The following FRAS1 variants were observed in gnomAD, a reference collection of about 807,000 sequenced individuals.
FRAS1 encodes Fraser extracellular matrix complex subunit 1.
Under a neutral mutation model 435.2 loss-of-function variants are expected in FRAS1, and 290 were observed. The observed-to-expected ratio is 0.67, with a 90% CI of 0.61 to 0.73. The LOEUF (loss-of-function observed/expected upper bound fraction) is 0.73, where lower values mean the gene tolerates loss of function less well. Ranked by LOEUF, FRAS1 falls within the 30% of genes least tolerant of loss-of-function variation. The pLI is 0.00. For synonymous variants in FRAS1, 1,800 were observed against 1,851.0 expected (o/e 0.97, Z 0.71); for missense variants, 4,860 against 5,001.5 (o/e 0.97, Z 0.85).
chr4:78,220,196 G>C (rs979459500), intron 2 of FRAS1, among the ~76,000 whole-genome samples: 5 of 152,098 alleles, frequency 3.3e-5, no homozygotes, highest in Non-Finnish European at 2.9e-5. Context: ...ATTTTCTTCT[G>C]CTTTTTCTGA....
At chr4:78,473,620 C>T in intron 53 of FRAS1, 23 bp downstream of exon 53, 2 of 1,540,256 alleles carry the variant, frequency 1.3e-6, no homozygotes, top group Non-Finnish European at 1.8e-6. Flanking sequence ...CTGTGCTTTC[C>T]TTCTTGAGAA....
intron 34 of FRAS1, among the ~76,000 whole-genome samples, chr4:78,423,887 C>G (rs1269476790): frequency 1.3e-5 from 2 of 152,314 alleles, no homozygotes; most frequent in East Asian, 1.9e-4. Flanking sequence ...AAGTCATCCA[C>G]TAAACTCGCC....
chr4:78,432,471 C>G lies in FRAS1; in HGVS notation c.5084C>G (p.Thr1695Arg). Residue 1695 changes from threonine to arginine, a missense_variant, in exon 38 of 74, where the codon ACA (threonine) becomes AGA (arginine). Transcript: ENST00000512123. ...TCAGTCACAGATGGCCTCACAGTGA[C>G]AATGCTGGAGGTGAGAGTAGAGGTG... ...EISVTDGLTVTMLEVRVEVSL... is the reference protein window; with the variant it reads ...EISVTDGLTVRMLEVRVEVSL... 6.2e-7 allele frequency: 1 copy of G among 1,613,354 alleles called. No individual in the cohort carries two copies. The highest frequency in any genetic ancestry group is 8.5e-7 in the Non-Finnish European group (1 of 1,179,654).
At chr4:78,539,064 A>T (rs529660854) in intron 72 of FRAS1, among the ~76,000 whole-genome samples, 1 of 152,220 alleles carries the variant, frequency 6.6e-6, no homozygotes, top group Non-Finnish European at 1.5e-5. Flanking sequence ...GGTCCCTCCC[A>T]TGACACATGG....
intron 1 of FRAS1, among the ~76,000 whole-genome samples, chr4:78,062,694 A>G (rs978934941): frequency 1.3e-5 from 2 of 152,210 alleles, no homozygotes; most frequent in African/African-American, 4.8e-5. Flanking sequence ...TGCAAAAGGG[A>G]TTAAAAACAG....
At chr4:78,076,856 A>G (rs1364665218) in intron 2 of FRAS1, among the ~76,000 whole-genome samples, 3 of 152,206 alleles carry the variant, frequency 2.0e-5, no homozygotes, top group Non-Finnish European at 4.4e-5. Context: ...GTTGAAGAGA[A>G]ATAAGTATCC....
chr4:78,365,710 G>A (rs1458155745), intron 22 of FRAS1, among the ~76,000 whole-genome samples: 15 of 142,414 alleles, frequency 1.1e-4, no homozygotes. Flanking sequence ...ACGCTCCTAA[G>A]TTGGGATATT....
chr4:78,243,505 T>A (rs1370002859), intron 3 of FRAS1, among the ~76,000 whole-genome samples: 1 of 152,110 alleles, frequency 6.6e-6, no homozygotes, highest in African/African-American at 2.4e-5. Context: ...CATGGTTAGG[T>A]GGCAGGAACT....
intron 6 of FRAS1, among the ~76,000 whole-genome samples, chr4:78,264,061 C>T (rs1840390): frequency 0.94 from 143,084 of 152,270 alleles, 67,737 homozygotes; most frequent in Non-Finnish European, 1. Flanking sequence ...ACAACTGTTC[C>T]AGATTTATCT....
chr4:78,444,491 T>C (rs545572337), intron 41 of FRAS1, among the ~76,000 whole-genome samples: 256 of 152,234 alleles, frequency 1.7e-3, no homozygotes, highest in Non-Finnish European at 2.9e-3. Context: ...ATCTGATTTT[T>C]GCAAAGGGTC....
intron 45 of FRAS1, among the ~76,000 whole-genome samples, chr4:78,451,205 T>G (rs1461477376): frequency 2.0e-5 from 3 of 152,174 alleles, no homozygotes; most frequent in Non-Finnish European, 2.9e-5. Context: ...TGCTTTTAAG[T>G]GATGCTGTAG....
At chr4:78,182,005 G>T (rs570268857) in intron 2 of FRAS1, 47 of 1,556,996 alleles carry the variant, frequency 3.0e-5, no homozygotes, top group Non-Finnish European at 3.9e-5. Flanking sequence ...CGAATCGGTT[G>T]GTGACCACAC....
chr4:78,379,665 G>T, intron 26 of FRAS1, 61 bp from the exon 27 acceptor site: 1 of 1,505,596 alleles, frequency 6.6e-7, no homozygotes, highest in Non-Finnish European at 9.0e-7. Context: ...AAAATAAGGG[G>T]AAAGTGACCT....
At chr4:78,289,303 C>CAT (rs1218618295) in intron 14 of FRAS1, among the ~76,000 whole-genome samples, 1 of 151,508 alleles carries the variant, frequency 6.6e-6, no homozygotes, top group Non-Finnish European at 1.5e-5. Flanking sequence ...CATATAAACA[C>CAT]ATGTGCATAT....
chr4:78,529,559 C>A (rs1721648723), intron 70 of FRAS1, among the ~76,000 whole-genome samples: 1 of 152,118 alleles, frequency 6.6e-6, no homozygotes, highest in Non-Finnish European at 1.5e-5. Context: ...CTCATGTATA[C>A]TTCTACATGG....
intron 58 of FRAS1, among the ~76,000 whole-genome samples, chr4:78,485,949 G>A (rs1050765450): frequency 6.6e-6 from 1 of 152,174 alleles, no homozygotes; most frequent in African/African-American, 2.4e-5. Context: ...CCACTAGGCT[G>A]ATTTCAGGAT....
chr4:78,291,630 T>G (rs1027611838), intron 14 of FRAS1, among the ~76,000 whole-genome samples: 5 of 152,202 alleles, frequency 3.3e-5, no homozygotes, highest in Admixed American at 3.3e-4. Flanking sequence ...TTTATTTCAT[T>G]TCCCCTTTCA....
chr4:78,530,803 G>C (rs1164358218), intron 70 of FRAS1, among the ~76,000 whole-genome samples: 2 of 152,138 alleles, frequency 1.3e-5, no homozygotes, highest in Non-Finnish European at 2.9e-5. Flanking sequence ...TTTTGCTTAG[G>C]ATTGTCTTGG....
intron 2 of FRAS1, among the ~76,000 whole-genome samples, chr4:78,208,585 ACAAT>A (rs1200916864): frequency 4.6e-5 from 7 of 152,202 alleles, no homozygotes; most frequent in African/African-American, 1.4e-4. Flanking sequence ...TAAATAAAAA[ACAAT>A]CAAAACTTCA....
Sources: gnomAD v4.1 joint callset for allele counts (sites outside exome capture counted in the v4.1 genomes callset) on GRCh38, gnomAD v4.1.1 for gene constraint, MANE v1.5 for transcripts, NCBI Gene and HGNC (gene_info 2026-07-23, HGNC 2026-07-21) for gene names.